Variants in ANKRD12 observed in about 807,000 individuals in gnomAD.
The protein encoded by ANKRD12 is ankyrin repeat domain-containing protein 12.
In ANKRD12, 85 loss-of-function variants were observed where a neutral mutation model predicts 183.4. The ratio of observed to expected loss-of-function variants is 0.46; its 90% CI spans 0.39 to 0.56. The LOEUF (loss-of-function observed/expected upper bound fraction) is 0.56. Ranked by LOEUF, ANKRD12 falls within the 20% of genes least tolerant of loss-of-function variation. The probability of loss-of-function intolerance (pLI) is 0.00; values close to 1 mark genes in which losing one functional copy is unlikely to be tolerated. For missense variants in ANKRD12, 2,405 were observed against 2,357.1 expected, an observed-to-expected ratio of 1.02 and a Z score of -0.42; for synonymous variants, 914 against 800.2, an observed-to-expected ratio of 1.14 and a Z score of -2.40.
intron 7 of ANKRD12, among the ~76,000 whole-genome samples, chr18:9,217,473 G>A (rs10451358): frequency 0.77 from 116,959 of 152,146 alleles, 45,370 homozygotes; most frequent in Middle Eastern, 0.88. Flanking sequence ...TGGTCTAGAA[G>A]TATCAGGGGT....
chr18:9,278,546 C>G (rs943112942), intron 11 of ANKRD12, among the ~76,000 whole-genome samples: 5 of 152,160 alleles, frequency 3.3e-5, no homozygotes, highest in Non-Finnish European at 5.9e-5. Flanking sequence ...CGCCTGTATT[C>G]CCAGCACTTT....
intron 1 of ANKRD12, among the ~76,000 whole-genome samples, chr18:9,160,920 G>C (rs1246641651): frequency 6.6e-6 from 1 of 152,188 alleles, no homozygotes; most frequent in Non-Finnish European, 1.5e-5. Context: ...TTTGTGTTTA[G>C]ATTTCAGGTA....
chr18:9,275,298 CTAAAAATATATATATA>C (rs796685527), intron 10 of ANKRD12, among the ~76,000 whole-genome samples: 5 of 124,926 alleles, frequency 4.0e-5, no homozygotes, highest in African/African-American at 1.2e-4. Flanking sequence ...GACTTTGTCT[CTAAAAATATATATATA>C]TATTTTTAAT....
intron 2 of ANKRD12, among the ~76,000 whole-genome samples, chr18:9,191,132 G>A (rs985916553): frequency 1.3e-5 from 2 of 152,192 alleles, no homozygotes; most frequent in African/African-American, 2.4e-5. Context: ...ATTATTACGT[G>A]TGATGGCTGT....
At chr18:9,169,571 C>G (rs1468132409) in intron 1 of ANKRD12, among the ~76,000 whole-genome samples, 1 of 152,074 alleles carries the variant, frequency 6.6e-6, no homozygotes, top group Non-Finnish European at 1.5e-5. Flanking sequence ...CTTGGTAGAT[C>G]TTCCTCCATC....
At chr18:9,167,921 G>A (rs549622385) in intron 1 of ANKRD12, among the ~76,000 whole-genome samples, 18 of 152,136 alleles carry the variant, frequency 1.2e-4, no homozygotes, top group African/African-American at 3.6e-4. Flanking sequence ...AGAGTTTTTA[G>A]CATGAAGGGT....
In ANKRD12 at chr18:9,255,938, A is replaced by G. The variant is rs2038587151; in HGVS notation, c.2671A>G (p.Thr891Ala). The stretch of plus-strand genomic sequence containing the variant: ...TAAAGAAGGTGAGAAGAGCAAAAAT[A>G]CTGCTGCTATTAAAAAAACTGACGA... ...CHKEGEKSKN[T>A]AAIKKTDDRE... The change falls in exon 9 of 13, where the codon ACT (threonine) becomes GCT (alanine). Residue 891 changes from threonine (T) to alanine (A), a missense_variant. By Grantham distance (58) the Thr-to-Ala change is moderately conservative. Transcript: ENST00000262126. 7 of 1,585,002 alleles carry G rather than the reference A, an allele frequency of 4.4e-6. No homozygotes were observed. Among genetic ancestry groups the G allele is most frequent in the Non-Finnish European group, 6.0e-6 (7 of 1,172,316 alleles).
chr18:9,237,303 T>A (rs2037402435), intron 8 of ANKRD12, among the ~76,000 whole-genome samples: 2 of 152,184 alleles, frequency 1.3e-5, no homozygotes, highest in East Asian at 3.9e-4. Context: ...AGGTGTGAAT[T>A]GGTCAAAGAT....
chr18:9,185,441 A>G (rs1045046075), intron 2 of ANKRD12, among the ~76,000 whole-genome samples: 1 of 152,222 alleles, frequency 6.6e-6, no homozygotes, highest in African/African-American at 2.4e-5. Context: ...TTCCATTACT[A>G]GGTTAATGAT....
intron 1 of ANKRD12, among the ~76,000 whole-genome samples, chr18:9,167,674 T>C (rs538466685): frequency 5.4e-4 from 83 of 152,306 alleles, no homozygotes; most frequent in African/African-American, 1.8e-3. Flanking sequence ...CAGGGACAAT[T>C]TGACTTCCTC....
intron 8 of ANKRD12, among the ~76,000 whole-genome samples, chr18:9,225,472 T>A (rs868846984): frequency 4.4e-5 from 3 of 68,530 alleles, no homozygotes; most frequent in Non-Finnish European, 3.2e-5. Flanking sequence ...AGACTATCTT[T>A]AAAAAAAAAA....
intron 1 of ANKRD12, among the ~76,000 whole-genome samples, chr18:9,150,424 T>A (rs541551567): frequency 1.3e-5 from 2 of 152,296 alleles, no homozygotes; most frequent in Admixed American, 1.3e-4. Flanking sequence ...AAGAATTTTT[T>A]TTGCTGATAA....
At position 9,256,966 on chromosome 18, in the gene ANKRD12, T is replaced by C. The variant is rs199533977; in HGVS notation, c.3699T>C (p.Phe1233=). The change falls in exon 9 of 13, where the codon TTT becomes TTC. Residue 1233 remains phenylalanine (F), a synonymous_variant. Coordinates refer to ENST00000262126, the MANE Select transcript of ANKRD12 (RefSeq NM_015208.5). ...PRPPVEYDSD[F]MLESSESQMS... ...CTCCAGTTGAGTATGACTCTGACTT[T>C]ATGTTAGAGAGTTCAGAATCCCAAA... 1.2e-4 allele frequency: 188 copies of C among 1,614,024 alleles called. No individual in the cohort carries two copies. The highest frequency in any genetic ancestry group is 3.3e-4 in the Middle Eastern group (2 of 6,084).
chr18:9,179,295 AG>A (rs1248726195), intron 1 of ANKRD12, among the ~76,000 whole-genome samples: 2 of 152,124 alleles, frequency 1.3e-5, no homozygotes, highest in Non-Finnish European at 2.9e-5. Context: ...ACCACCAGTA[AG>A]TAGTACAGTG....
At chr18:9,197,679 A>T (rs2034923406) in intron 3 of ANKRD12, among the ~76,000 whole-genome samples, 1 of 152,228 alleles carries the variant, frequency 6.6e-6, no homozygotes, top group African/African-American at 2.4e-5. Flanking sequence ...ACTTAAGAAA[A>T]TCATAAAGAA....
intron 1 of ANKRD12, among the ~76,000 whole-genome samples, chr18:9,175,581 G>A (rs1427379970): frequency 7.5e-6 from 1 of 133,070 alleles, no homozygotes; most frequent in Non-Finnish European, 1.5e-5. Context: ...AGGCTGGAGT[G>A]CAGTGGCACT....
chr18:9,245,397 G>T (rs943890537), intron 8 of ANKRD12, among the ~76,000 whole-genome samples: 1 of 152,132 alleles, frequency 6.6e-6, no homozygotes, highest in Non-Finnish European at 1.5e-5. Flanking sequence ...GCTACAGTGA[G>T]CTGTGAACAC....
chr18:9,258,826 G>A lies in ANKRD12; in HGVS notation c.5559G>A (p.Leu1853=). Residue 1853 remains leucine (L), a synonymous_variant, in exon 9 of 13, where the codon CTG becomes CTA. Transcript: ENST00000262126. The part of the protein sequence containing the change: ...RKKIEEKRKL[L]CSVIPQAPQY... ...AAATAGAAGAAAAACGCAAATTACT[G>A]TGTAGTGTGATTCCTCAAGCACCTC... 1.2e-6 allele frequency: 2 copies of A among 1,613,874 alleles called. No homozygotes were observed. Among genetic ancestry groups the A allele is most frequent in the South Asian group, 2.2e-5 (2 of 91,078 alleles).
intron 4 of ANKRD12, among the ~76,000 whole-genome samples, chr18:9,204,816 GC>G (rs2144554642): frequency 6.6e-6 from 1 of 152,182 alleles, no homozygotes; most frequent in African/African-American, 2.4e-5. Flanking sequence ...CACCATTCAC[GC>G]AGAAAACAAT....
Sources: gnomAD v4.1 joint callset for allele counts (sites outside exome capture counted in the v4.1 genomes callset) on GRCh38, gnomAD v4.1.1 for gene constraint, MANE v1.5 for transcripts, NCBI Gene and HGNC (gene_info 2026-07-23, HGNC 2026-07-21) for gene names.